AKAP12: variants seen among roughly 807,000 people sequenced by gnomAD.
The protein encoded by AKAP12 is A-kinase anchor protein 12.
AKAP12 carries 32 observed loss-of-function variants against 79.9 expected under a neutral mutation model. The ratio of observed to expected loss-of-function variants is 0.40; its 90% confidence interval spans 0.30 to 0.54. The LOEUF (loss-of-function observed/expected upper bound fraction) is 0.54, where lower values mean the gene tolerates loss of function less well. AKAP12 is among the 20% of genes least tolerant of loss of function. The probability of loss-of-function intolerance (pLI) is 0.48; values close to 1 mark genes in which losing one functional copy is unlikely to be tolerated. For synonymous variants in AKAP12, 808 were observed against 857.0 expected, an observed-to-expected ratio of 0.94 and a Z score of 1.00; for missense variants, 2,074 against 2,177.0, an observed-to-expected ratio of 0.95 and a Z score of 0.94.
intron 2 of AKAP12, among the ~76,000 whole-genome samples, chr6:151,273,225 C>T (rs1157962991): frequency 1.3e-5 from 2 of 152,196 alleles, no homozygotes; most frequent in Non-Finnish European, 2.9e-5. Context: ...ACATTCTTAG[C>T]AAGAATACCA....
At chr6:151,305,113 G>C (rs939219128) in intron 2 of AKAP12, among the ~76,000 whole-genome samples, 2 of 151,488 alleles carry the variant, frequency 1.3e-5, no homozygotes, top group African/African-American at 4.8e-5. Context: ...TGAGATCTCA[G>C]CTTTACCATT....
chr6:151,327,019 G>T (rs1777546944), intron 3 of AKAP12, among the ~76,000 whole-genome samples: 2 of 151,924 alleles, frequency 1.3e-5, no homozygotes, highest in Non-Finnish European at 2.9e-5. Flanking sequence ...GTTTCACCAA[G>T]TTGGCCAGGA....
chr6:151,261,110 G>A (rs996081737), intron 2 of AKAP12, among the ~76,000 whole-genome samples: 12 of 152,056 alleles, frequency 7.9e-5, no homozygotes, highest in South Asian at 2.1e-4. Context: ...TGGTTTGGCC[G>A]GCTTCAGTGG....
chr6:151,282,051 C>T (rs189920705), intron 2 of AKAP12, among the ~76,000 whole-genome samples: 1 of 151,400 alleles, frequency 6.6e-6, no homozygotes, highest in African/African-American at 2.4e-5. Context: ...TGTCCTCTTC[C>T]CCCTCCTGTT....
At chr6:151,322,004 G>A (rs138743202) in intron 3 of AKAP12, among the ~76,000 whole-genome samples, 20 of 149,668 alleles carry the variant, frequency 1.3e-4, no homozygotes, top group Admixed American at 2.0e-4. Flanking sequence ...CACCCCTCTG[G>A]GTTCAAGCAA....
rs548451783 is a variant in AKAP12, at chr6:151,243,522, T to G, written c.162+2798T>G. ...GAGAGTTAAACAAGCTTTTGATTAC[T>G]CAGGCTTAACGTTTAGATGCACTAA... is the stretch of plus-strand genomic sequence containing the variant. On this transcript the variant is annotated intron_variant, in intron 2 of 4. Transcript: ENST00000402676. Among the ~76,000 whole-genome samples the G allele has an allele frequency of 3.9e-5, 6 of 152,368 alleles. No homozygotes were observed. In the South Asian group the frequency reaches 1.2e-3, roughly 32 times the overall value.
intron 2 of AKAP12, among the ~76,000 whole-genome samples, chr6:151,288,341 C>A (rs987930931): frequency 5.9e-5 from 9 of 151,896 alleles, no homozygotes; most frequent in Non-Finnish European, 1.3e-4. Flanking sequence ...ATGGAGAAAC[C>A]CTGACTCTAC....
At chr6:151,317,134 A>G (rs9647625) in intron 3 of AKAP12, among the ~76,000 whole-genome samples, 58,543 of 152,078 alleles carry the variant, frequency 0.38, 11,686 homozygotes, top group South Asian at 0.5. Flanking sequence ...ACATTTGGGA[A>G]CAGAGAAATG....
Position 151,348,977 on chromosome 6 carries a change from G to A in AKAP12, c.586G>A (p.Val196Ile). Reference protein sequence around the residue: ...KKDKTEKPDTVQLLTVKKDEG... With the variant: ...KKDKTEKPDTIQLLTVKKDEG... ...GGATAAGACAGAGAAGCCTGACACT[G>A]TCCAGCTACTCACTGTGAAGAAAGA... Residue 196 changes from valine to isoleucine, a missense_variant, in exon 4 of 5, where the codon GTC (valine) becomes ATC (isoleucine). Physicochemically the swap from Val to Ile is conservative, Grantham distance 29. This residue lies in a region of AKAP12 where 1,428 missense variants were observed against 1,451.0 expected (regional missense o/e 0.98). Coordinates refer to ENST00000402676, the MANE Select transcript of AKAP12 (RefSeq NM_005100.4). 2 of 1,614,104 alleles carry A rather than the reference G, an allele frequency of 1.2e-6. No homozygotes were observed. The highest frequency in any genetic ancestry group is 1.1e-5 in the South Asian group (1 of 91,072).
chr6:151,276,621 G>T (rs1320464792), intron 2 of AKAP12, among the ~76,000 whole-genome samples: 1 of 152,238 alleles, frequency 6.6e-6, no homozygotes, highest in African/African-American at 2.4e-5. Flanking sequence ...AGTGGACGGA[G>T]CCTCCCTGAG....
intron 2 of AKAP12, among the ~76,000 whole-genome samples, chr6:151,244,874 G>A (rs927398166): frequency 6.6e-6 from 1 of 152,162 alleles, no homozygotes; most frequent in Non-Finnish European, 1.5e-5. Flanking sequence ...TGCAGGAATC[G>A]CAGGGCTTCC....
intron 2 of AKAP12, among the ~76,000 whole-genome samples, chr6:151,250,668 C>G (rs566646584): frequency 0.021 from 3,144 of 149,916 alleles, 127 homozygotes; most frequent in African/African-American, 0.072. Context: ...TGCAGTGGCG[C>G]GATCTCGGCT....
chr6:151,252,203 T>C (rs12528544), intron 2 of AKAP12, among the ~76,000 whole-genome samples: 49,798 of 150,748 alleles, frequency 0.33, 9,560 homozygotes, highest in Non-Finnish European at 0.43. Context: ...TTCTTTCTTT[T>C]TTTTTTTTTT....
At chr6:151,327,453 A>G (rs1777558085) in intron 3 of AKAP12, among the ~76,000 whole-genome samples, 1 of 152,200 alleles carries the variant, frequency 6.6e-6, no homozygotes. Context: ...TAACTTTTCT[A>G]TGAATGAAAT....
At chr6:151,263,553 T>C (rs947177810) in intron 2 of AKAP12, among the ~76,000 whole-genome samples, 6 of 152,100 alleles carry the variant, frequency 3.9e-5, no homozygotes, top group Non-Finnish European at 8.8e-5. Flanking sequence ...TTACTCACTA[T>C]ACTCTCTTGA....
chr6:151,279,989 T>C (rs1776366625), intron 2 of AKAP12, among the ~76,000 whole-genome samples: 3 of 152,018 alleles, frequency 2.0e-5, no homozygotes, highest in African/African-American at 7.2e-5. Context: ...CCCTCTTGTC[T>C]TCTGAGATTT....
At chr6:151,320,402 G>T (rs1403227347) in intron 3 of AKAP12, among the ~76,000 whole-genome samples, 1 of 151,956 alleles carries the variant, frequency 6.6e-6, no homozygotes, top group Non-Finnish European at 1.5e-5. Flanking sequence ...TTACAGGCAT[G>T]AGCCACCTCG....
In AKAP12 at chr6:151,349,245, C is replaced by G; in HGVS notation, c.854C>G (p.Thr285Ser). 1.2e-6 allele frequency: 2 copies of G among 1,613,778 alleles called. No individual in the cohort carries two copies. Reference protein sequence around the residue: ...KEPSKSAESPTSPVTSETGST... With the variant: ...KEPSKSAESPSSPVTSETGST... ...CCTAGCAAGTCTGCAGAATCTCCGA[C>G]TAGTCCCGTGACCAGTGAAACAGGA... The change falls in exon 4 of 5, where the codon ACT becomes AGT. Residue 285 changes from threonine to serine, a missense_variant. Transcript: ENST00000402676.
Position 151,295,481 on chromosome 6 carries a change from A to G in AKAP12, c.163-10266A>G, listed in dbSNP as rs117394018. Among the ~76,000 whole-genome samples, 1,263 of 152,282 alleles carry G rather than the reference A, an allele frequency of 8.3e-3. 10 individuals are homozygous for G. Among genetic ancestry groups the G allele is most frequent in the Non-Finnish European group, 8.4e-3 (570 of 68,030 alleles). ...GCGAGAAACTCTCTGTCTAGTATTT[A>G]TACCCCTCACCAAGCAGCACTCCTG... On this transcript the variant is annotated intron_variant, in intron 2 of 4. Transcript: ENST00000402676.
Sources: allele counts gnomAD v4.1 joint callset (sites outside exome capture counted in the v4.1 genomes callset), GRCh38; gene constraint gnomAD v4.1.1; regional missense constraint gnomAD v4.1.1; transcripts MANE v1.5; gene names NCBI Gene and HGNC (gene_info 2026-07-23, HGNC 2026-07-21).